Variants in SGTA observed in about 807,000 individuals in gnomAD.
SGTA encodes small glutamine-rich tetratricopeptide repeat-containing protein alpha.
In SGTA, 22 loss-of-function variants were observed where a neutral mutation model predicts 44.3. The observed-to-expected ratio is 0.50, with a 90% CI of 0.36 to 0.71. The LOEUF is 0.71. SGTA is among the 30% of genes least tolerant of loss of function. The probability of loss-of-function intolerance (pLI) is 0.00; values close to 1 mark genes in which losing one functional copy is unlikely to be tolerated. For synonymous variants in SGTA, 174 were observed against 177.6 expected (o/e 0.98, Z 0.16); for missense variants, 341 against 435.9 (o/e 0.78, Z 1.94).
Position 2,755,589 on chromosome 19 carries a change from C to T in SGTA, c.*351G>A, listed in dbSNP as rs944006942. The T allele has an allele frequency of 1.6e-5, 16 of 985,604 alleles. No homozygotes were observed. Among genetic ancestry groups the T allele is most frequent in the Non-Finnish European group, 1.8e-5 (15 of 830,028 alleles). The allele number at this position is 985,604 out of a possible 1,614,324, so 61.1% of individuals were successfully genotyped here. On this transcript the variant is annotated 3_prime_UTR_variant, in exon 12 of 12. Transcript: ENST00000221566. The surrounding 1 kb of genome is among the most constrained non-coding windows in gnomAD (Gnocchi z 5.2). ...GCTTTGGAAGCCACACGATCCGCCA[C>T]ACGGCTGAACGTGAAACCTGCCACT...
rs1382830243 is a variant in SGTA at position 2,763,160 on chromosome 19, G to C, written c.497+493C>G. 2.0e-5 allele frequency among the ~76,000 whole-genome samples: 3 copies of C among 152,168 alleles called. No individual in the cohort carries two copies. Among genetic ancestry groups the C allele is most frequent in the African/African-American group, 4.8e-5 (2 of 41,444 alleles). ...GGCAGTTGAACAGGGCCCCTCCCCAGCCTCTGGGGAGACCCAATCCCACAA... is the reference window on the plus strand; with the variant it reads ...GGCAGTTGAACAGGGCCCCTCCCCACCCTCTGGGGAGACCCAATCCCACAA... On this transcript the variant is annotated intron_variant, in intron 6 of 11. Transcript: ENST00000221566. This position sits in a 1 kb window ranked among gnomAD's most constrained non-coding sequence, Gnocchi z 5.8.
chr19:2,774,878 A>G (rs761559929), intron 1 of SGTA, among the ~76,000 whole-genome samples: 2 of 152,116 alleles, frequency 1.3e-5, no homozygotes, highest in African/African-American at 2.4e-5. Flanking sequence ...GTGTGCGTGC[A>G]TGTCTCTCCA....
Position 2,765,350 on chromosome 19 carries a change from A to C in SGTA, c.293-65T>G. The C allele has an allele frequency of 1.6e-6, 2 of 1,235,048 alleles. No individual in the cohort carries two copies. Among genetic ancestry groups the C allele is most frequent in the Non-Finnish European group, 2.3e-6 (2 of 853,388 alleles). The allele number at this position is 1,235,048 out of a possible 1,614,324, so 76.5% of individuals were successfully genotyped here. A position where few individuals can be genotyped will look rare whatever the true frequency, so the allele number is the denominator to read the frequency against. On this transcript the variant is annotated intron_variant, in intron 4 of 11. Coordinates refer to ENST00000221566, the MANE Select transcript of SGTA (RefSeq NM_003021.4). This position sits in a 1 kb window ranked among gnomAD's most constrained non-coding sequence, Gnocchi z 5.5. ...AGACCGGAGGGGGTGTCAGGGAGAG[A>C]GGAAAACACCGGCCTGGTGTCCACA...
In SGTA at chr19:2,755,558, TA is replaced by T; in HGVS notation, c.*381del. 1 of 985,880 alleles carries T rather than the reference TA, an allele frequency of 1.0e-6. No homozygotes were observed. Among genetic ancestry groups the T allele is most frequent in the Non-Finnish European group, 1.2e-6 (1 of 830,122 alleles). 61.1% of individuals were successfully genotyped at this position (985,880 alleles called of 1,614,324 possible). ...ACCACGGGATGGGGGGCGGGGGCTG[TA>T]AAAGGCTTTGGAAGCCACACGATCC... On this transcript the variant is annotated 3_prime_UTR_variant, in exon 12 of 12. Coordinates refer to ENST00000221566, the MANE Select transcript of SGTA (RefSeq NM_003021.4). This position sits in a 1 kb window ranked among gnomAD's most constrained non-coding sequence, Gnocchi z 5.2.
intron 1 of SGTA, among the ~76,000 whole-genome samples, chr19:2,770,943 G>A (rs1044080103): frequency 2.6e-5 from 4 of 152,376 alleles, no homozygotes; most frequent in East Asian, 3.9e-4. Context: ...CGGGTTGTGA[G>A]GGAGAGGCCA....
At chr19:2,756,936 T>C (rs1479901192) in intron 11 of SGTA, among the ~76,000 whole-genome samples, 1 of 152,058 alleles carries the variant, frequency 6.6e-6, no homozygotes, top group African/African-American at 2.4e-5. Context: ...TTTCCACCAC[T>C]CGATGACCTC....
chr19:2,756,802 C>A (rs1389589052), intron 11 of SGTA, among the ~76,000 whole-genome samples: 1 of 152,108 alleles, frequency 6.6e-6, no homozygotes, highest in Admixed American at 6.5e-5. Flanking sequence ...ATGGGGGACA[C>A]TGAGTGTATT....
At chr19:2,766,908 C>T (rs886454642) in intron 4 of SGTA, among the ~76,000 whole-genome samples, 75 of 152,042 alleles carry the variant, frequency 4.9e-4, no homozygotes, top group Non-Finnish European at 7.4e-4. Context: ...GGGCCGCTCC[C>T]GACAACCCCA....
chr19:2,773,627 T>C lies in SGTA; in HGVS notation c.-23-4536A>G, dbSNP rs1915365608. Among the ~76,000 whole-genome samples, 8 of 27,550 alleles carry C rather than the reference T, an allele frequency of 2.9e-4. 1 individual carries two copies. The highest frequency in any genetic ancestry group is 2.5e-3 in the Admixed American group (8 of 3,256). The allele number at this position is 27,550 out of a possible 152,430, so 18.1% of individuals were successfully genotyped here. A position where few individuals can be genotyped will look rare whatever the true frequency, so the allele number is the denominator to read the frequency against. ...ACGGCAGGGACTCCGAGGGCAGAGA[T>C]GGGTGACGCGGCCACAGGGCAGGGA... On this transcript the variant is annotated intron_variant, in intron 1 of 11. Transcript: ENST00000221566.
chr19:2,764,585 G>GT (rs914624773), intron 5 of SGTA, among the ~76,000 whole-genome samples: 13 of 151,492 alleles, frequency 8.6e-5, no homozygotes, highest in African/African-American at 2.7e-4. Context: ...TTTTTTCGGG[G>GT]TTTTTTTGAG....
chr19:2,775,335 G>A (rs1056884864), intron 1 of SGTA, among the ~76,000 whole-genome samples: 4 of 152,194 alleles, frequency 2.6e-5, no homozygotes, highest in Admixed American at 2.0e-4. Flanking sequence ...AAAATGAGGC[G>A]TGGGCTGCCT....
intron 5 of SGTA, among the ~76,000 whole-genome samples, chr19:2,764,368 C>T (rs908542436): frequency 1.3e-5 from 2 of 152,166 alleles, no homozygotes; most frequent in African/African-American, 4.8e-5. Flanking sequence ...ACGTGGAATG[C>T]CATGATACCT....
intron 8 of SGTA, among the ~76,000 whole-genome samples, chr19:2,760,517 CAAAAAAAAAAA>C (rs58836148): frequency 1.5e-4 from 8 of 51,642 alleles, no homozygotes; most frequent in African/African-American, 4.8e-4. Context: ...GACTCCATCT[CAAAAAAAAAAA>C]AAAAAAAAAA....
rs965282807 is a variant in SGTA, at chr19:2,782,712, G to A, written c.-24+521C>T. 63 of 152,286 alleles carry A rather than the reference G, an allele frequency of 4.1e-4. 1 individual carries two copies. Among genetic ancestry groups the A allele is most frequent in the African/African-American group, 1.4e-3 (59 of 41,542 alleles). The allele number at this position is 152,286 out of a possible 1,614,324, so 9.4% of individuals were successfully genotyped here. A position where few individuals can be genotyped will look rare whatever the true frequency, so the allele number is the denominator to read the frequency against. On this transcript the variant is annotated intron_variant, in intron 1 of 11. Transcript: ENST00000221566. Reference sequence around the variant, plus strand: ...TAATTCTTTGGAGTTCTCAGATTCCGCTGGACCCTGCGGCTCTCCTTCTCC... The same window carrying A: ...TAATTCTTTGGAGTTCTCAGATTCCACTGGACCCTGCGGCTCTCCTTCTCC...
chr19:2,761,609 C>T lies in SGTA; in HGVS notation c.637-87G>A. 9.1e-7 allele frequency: 1 copy of T among 1,100,748 alleles called. No individual in the cohort carries two copies. Among genetic ancestry groups the T allele is most frequent in the Non-Finnish European group, 1.3e-6 (1 of 743,816 alleles). 68.2% of individuals were successfully genotyped at this position (1,100,748 alleles called of 1,614,324 possible). On this transcript the variant is annotated intron_variant, in intron 7 of 11. Transcript: ENST00000221566. The surrounding 1 kb of genome is among the most constrained non-coding windows in gnomAD (Gnocchi z 5.7). ...CTGGAACTCAGAAACAACGGCCCCC[C>T]ACGGGGCTCAGACATTCTATCAACC...
Position 2,765,250 on chromosome 19 carries a change from C to A in SGTA, c.328G>T (p.Ala110Ser). The A allele has an allele frequency of 6.2e-7, 1 of 1,613,658 alleles. No homozygotes were observed. Among genetic ancestry groups the A allele is most frequent in the Non-Finnish European group, 8.5e-7 (1 of 1,179,988 alleles). The stretch of plus-strand genomic sequence containing the variant: ...ATGGCTTTTCCGTAGAAATGCACGG[C>A]AGCTTCAAAGTTTTCCACTTTCATC... Reference protein sequence around the residue: ...EQMKVENFEAAVHFYGKAIEL... With the variant: ...EQMKVENFEASVHFYGKAIEL... The change falls in exon 5 of 12, where the codon GCC becomes TCC. Residue 110 changes from alanine (A) to serine (S), a missense_variant. Ala to Ser is a moderately conservative substitution (Grantham distance 99). Transcript: ENST00000221566. The surrounding 1 kb of genome is among the most constrained non-coding windows in gnomAD (Gnocchi z 5.5).
chr19:2,759,427 C>G (rs1431547166), intron 8 of SGTA, 133 bp from the exon 9 acceptor site: 4 of 795,396 alleles, frequency 5.0e-6, no homozygotes, highest in South Asian at 3.1e-5. Flanking sequence ...GCCGGGCATT[C>G]GGTCTTTCAT....
At chr19:2,774,458 A>G (rs1044683001) in intron 1 of SGTA, among the ~76,000 whole-genome samples, 1 of 152,110 alleles carries the variant, frequency 6.6e-6, no homozygotes, top group Non-Finnish European at 1.5e-5. Context: ...TAAGAAAACG[A>G]CACTTCCTAT....
At chr19:2,760,245 G>A (rs1914944892) in intron 8 of SGTA, among the ~76,000 whole-genome samples, 1 of 152,104 alleles carries the variant, frequency 6.6e-6, no homozygotes, top group Admixed American at 6.5e-5. Flanking sequence ...TTGGTCAGGT[G>A]TAGTGGCTCA....
Sources: allele counts gnomAD v4.1 joint callset (sites outside exome capture counted in the v4.1 genomes callset), GRCh38; gene constraint gnomAD v4.1.1; non-coding constraint Gnocchi (gnomAD v3.1); transcripts MANE v1.5; gene names NCBI Gene and HGNC (gene_info 2026-07-23, HGNC 2026-07-21).